The following ADAMTS6 variants were observed in gnomAD, a reference collection of about 807,000 sequenced individuals.
The protein encoded by ADAMTS6 is ADAM metallopeptidase with thrombospondin type 1 motif 6, also known as A disintegrin and metalloproteinase with thrombospondin motifs 6.
Under a neutral mutation model 144.3 loss-of-function variants are expected in ADAMTS6, and 23 were observed. That is an observed-to-expected ratio of 0.16 (90% CI 0.11 to 0.23). The LOEUF is 0.23. Among genes scored for constraint, ADAMTS6 ranks in the 10% least tolerant of loss-of-function variants. The pLI, the probability that ADAMTS6 is intolerant of heterozygous loss-of-function variation, is 1.00. For missense variants in ADAMTS6, 999 were observed against 1,379.6 expected, an observed-to-expected ratio of 0.72 and a Z score of 4.37; for synonymous variants, 444 against 457.5, an observed-to-expected ratio of 0.97 and a Z score of 0.38.
rs1365532755 is a variant in ADAMTS6 at position 65,150,979 on chromosome 5, C to G, written c.*857G>C. 1 of 152,642 alleles carries G rather than the reference C, an allele frequency of 6.6e-6. No homozygotes were observed. The highest frequency in any genetic ancestry group is 1.9e-4 in the East Asian group (1 of 5,194). 9.5% of individuals were successfully genotyped at this position (152,642 alleles called of 1,614,324 possible). A position where few individuals can be genotyped will look rare whatever the true frequency, so the allele number is the denominator to read the frequency against. On this transcript the variant is annotated 3_prime_UTR_variant, in exon 25 of 25. Transcript: ENST00000381055. Reference sequence around the variant, plus strand: ...ATCCTGTGTGGTGGCAGCAAAGGGCCTGGTCCTTTGGTCTGTACCATACCC... The same window carrying G: ...ATCCTGTGTGGTGGCAGCAAAGGGCGTGGTCCTTTGGTCTGTACCATACCC...
intron 10 of ADAMTS6, chr5:65,297,150 C>T (rs896130979): frequency 1.8e-5 from 8 of 451,864 alleles, no homozygotes; most frequent in African/African-American, 4.0e-5. Context: ...TGGCATAACA[C>T]GTCCATTTTA....
chr5:65,350,341 T>C (rs1322812315), intron 7 of ADAMTS6, among the ~76,000 whole-genome samples: 1 of 152,214 alleles, frequency 6.6e-6, no homozygotes. Flanking sequence ...TAAGTCTTCT[T>C]TTCTCTGGAA....
chr5:65,313,412 ATATAT>A (rs1185509084), intron 9 of ADAMTS6, among the ~76,000 whole-genome samples: 1 of 152,056 alleles, frequency 6.6e-6, no homozygotes, highest in Non-Finnish European at 1.5e-5. Context: ...GAAAATTTAC[ATATAT>A]TGTATATATA....
chr5:65,282,666 G>C (rs1763075103), intron 11 of ADAMTS6, among the ~76,000 whole-genome samples: 1 of 152,044 alleles, frequency 6.6e-6, no homozygotes, highest in African/African-American at 2.4e-5. Context: ...TGCTATACGA[G>C]AGTCAGGTTG....
chr5:65,152,657 G>T (rs1375206037), intron 24 of ADAMTS6, among the ~76,000 whole-genome samples: 2 of 152,200 alleles, frequency 1.3e-5, no homozygotes, highest in Non-Finnish European at 2.9e-5. Flanking sequence ...AGTTCTTGCA[G>T]CCAGAAGGTG....
chr5:65,222,010 C>T (rs1305454804), intron 18 of ADAMTS6, among the ~76,000 whole-genome samples: 1 of 152,048 alleles, frequency 6.6e-6, no homozygotes, highest in Non-Finnish European at 1.5e-5. Context: ...TAAATCTTTT[C>T]ATGTATTAGA....
At chr5:65,211,121 G>T (rs187036149) in intron 20 of ADAMTS6, among the ~76,000 whole-genome samples, 103 of 152,170 alleles carry the variant, frequency 6.8e-4, no homozygotes, top group African/African-American at 2.4e-3. Flanking sequence ...GCTTTTTCTT[G>T]GGTCAAAGTT....
chr5:65,421,935 T>C (rs549266914), intron 7 of ADAMTS6, among the ~76,000 whole-genome samples: 5 of 152,072 alleles, frequency 3.3e-5, no homozygotes, highest in East Asian at 3.9e-4. Flanking sequence ...CAAAAGCTAA[T>C]GCAACAAAAA....
At chr5:65,256,757 C>A (rs1036517216) in intron 14 of ADAMTS6, among the ~76,000 whole-genome samples, 3 of 151,984 alleles carry the variant, frequency 2.0e-5, no homozygotes, top group African/African-American at 7.3e-5. Flanking sequence ...CCCAACCCTG[C>A]AATTATATAA....
chr5:65,340,023 C>G (rs1747670837), intron 7 of ADAMTS6, among the ~76,000 whole-genome samples: 1 of 152,084 alleles, frequency 6.6e-6, no homozygotes, highest in East Asian at 1.9e-4. Context: ...GTCCAGAAAG[C>G]TCGAATAACT....
At chr5:65,377,062 G>A (rs892615886) in intron 7 of ADAMTS6, among the ~76,000 whole-genome samples, 4 of 151,756 alleles carry the variant, frequency 2.6e-5, no homozygotes. Flanking sequence ...AAGAAAAGAG[G>A]GAACACTTTC....
At chr5:65,161,333 C>G (rs772890197) in intron 24 of ADAMTS6, among the ~76,000 whole-genome samples, 1 of 152,218 alleles carries the variant, frequency 6.6e-6, no homozygotes, top group Non-Finnish European at 1.5e-5. Context: ...CCACCGTGCC[C>G]GGCCTCCTTG....
intron 9 of ADAMTS6, among the ~76,000 whole-genome samples, chr5:65,326,132 T>G (rs1746150356): frequency 6.6e-6 from 1 of 152,136 alleles, no homozygotes; most frequent in South Asian, 2.1e-4. Context: ...TTGTTAAGAT[T>G]ATTTGTTTTT....
chr5:65,405,100 G>C (rs1249524285), intron 7 of ADAMTS6, among the ~76,000 whole-genome samples: 1 of 152,096 alleles, frequency 6.6e-6, no homozygotes, highest in East Asian at 1.9e-4. Flanking sequence ...TAGGCTGCCT[G>C]TTCACTCTGA....
At chr5:65,426,577 C>CA (rs939909211) in intron 7 of ADAMTS6, among the ~76,000 whole-genome samples, 1 of 151,736 alleles carries the variant, frequency 6.6e-6, no homozygotes, top group African/African-American at 2.4e-5. Flanking sequence ...ACAACACTTT[C>CA]AAAAAAATGT....
In ADAMTS6 at chr5:65,373,168, A is replaced by G. The variant is rs542497295; in HGVS notation, c.1074-39083T>C. On this transcript the variant is annotated intron_variant, in intron 7 of 24. Coordinates refer to ENST00000381055, the MANE Select transcript of ADAMTS6 (RefSeq NM_197941.4). ...CAAGAGAAAGCAGGAAAGATCCAAA[A>G]TTGACACCCTAACATCACAATTAAA... 4.0e-3 allele frequency among the ~76,000 whole-genome samples: 600 copies of G among 150,532 alleles called. 9 individuals are homozygous for G. The highest frequency in any genetic ancestry group is 0.013 in the African/African-American group (532 of 41,054).
intron 10 of ADAMTS6, among the ~76,000 whole-genome samples, chr5:65,299,227 T>C (rs897293251): frequency 1.2e-4 from 19 of 152,246 alleles, no homozygotes; most frequent in African/African-American, 4.3e-4. Context: ...ATCACATATA[T>C]AACACCTGAT....
intron 9 of ADAMTS6, among the ~76,000 whole-genome samples, chr5:65,322,328 T>G (rs985902089): frequency 2.0e-5 from 3 of 152,234 alleles, no homozygotes; most frequent in Non-Finnish European, 2.9e-5. Context: ...TTCTTTTTGC[T>G]TAGGATTGCC....
intron 21 of ADAMTS6, among the ~76,000 whole-genome samples, chr5:65,191,270 C>T (rs532415481): frequency 1.3e-5 from 2 of 152,026 alleles, no homozygotes; most frequent in African/African-American, 4.8e-5. Context: ...CCTACAGTCC[C>T]GATCTCTTAT....
Sources: gnomAD v4.1 joint callset for allele counts (sites outside exome capture counted in the v4.1 genomes callset) on GRCh38, gnomAD v4.1.1 for gene constraint, MANE v1.5 for transcripts, NCBI Gene and HGNC (gene_info 2026-07-23, HGNC 2026-07-21) for gene names.